GMDS: variants seen among roughly 807,000 people sequenced by gnomAD.
The protein encoded by GMDS is GDP-mannose 4,6 dehydratase.
A neutral mutation model predicts 49.9 loss-of-function variants in GMDS; 20 were observed. That is an observed-to-expected ratio of 0.40 (90% CI 0.28 to 0.58). The LOEUF is 0.58. Among genes scored for constraint, GMDS ranks in the 20% least tolerant of loss-of-function variants. The probability of loss-of-function intolerance (pLI) is 0.42; values close to 1 mark genes in which losing one functional copy is unlikely to be tolerated. For synonymous variants in GMDS, 177 were observed against 178.6 expected (o/e 0.99, Z 0.07); for missense variants, 362 against 481.4 (o/e 0.75, Z 2.32).
chr6:1,827,076 A>ATG (rs1174158101), intron 7 of GMDS, among the ~76,000 whole-genome samples: 59 of 111,208 alleles, frequency 5.3e-4, no homozygotes, highest in East Asian at 5.2e-3. Flanking sequence ...AAAAAAATAT[A>ATG]TATGTGTGTG....
At chr6:1,805,688 T>C (rs889705378) in intron 7 of GMDS, among the ~76,000 whole-genome samples, 6 of 152,344 alleles carry the variant, frequency 3.9e-5, no homozygotes, top group Non-Finnish European at 8.8e-5. Flanking sequence ...TATTTTTGTC[T>C]GGGAAAATAC....
chr6:1,986,914 A>G (rs1164361961), intron 4 of GMDS, among the ~76,000 whole-genome samples: 2 of 152,214 alleles, frequency 1.3e-5, no homozygotes, highest in Non-Finnish European at 2.9e-5. Context: ...TAAATAAGCT[A>G]AGAAGCAAGA....
chr6:1,658,006 C>G (rs1423825615), intron 9 of GMDS, among the ~76,000 whole-genome samples: 1 of 152,238 alleles, frequency 6.6e-6, no homozygotes, highest in African/African-American at 2.4e-5. Flanking sequence ...TCTGGAGTTT[C>G]TGGAGCATTC....
chr6:1,919,529 G>C (rs1052536013), intron 7 of GMDS, among the ~76,000 whole-genome samples: 2 of 152,172 alleles, frequency 1.3e-5, no homozygotes, highest in Non-Finnish European at 2.9e-5. Context: ...CCTAGTAGAA[G>C]TCCAATTGTT....
chr6:1,707,279 G>A (rs1581486504), intron 9 of GMDS, among the ~76,000 whole-genome samples: 1 of 152,168 alleles, frequency 6.6e-6, no homozygotes, highest in Non-Finnish European at 1.5e-5. Flanking sequence ...AAGTCATAAG[G>A]TTTTGAGGTC....
intron 3 of GMDS, 21 bp downstream of exon 3, chr6:2,117,448 T>G (rs1301797495): frequency 7.4e-7 from 1 of 1,350,422 alleles, no homozygotes; most frequent in Non-Finnish European, 1.1e-6. Context: ...AAAGAGATTC[T>G]AGAAAAAGAA....
intron 1 of GMDS, among the ~76,000 whole-genome samples, chr6:2,184,094 C>T (rs918095738): frequency 5.3e-5 from 8 of 152,118 alleles, no homozygotes; most frequent in African/African-American, 1.9e-4. Context: ...TCACAGTGGT[C>T]TGGAACCAAA....
Position 1,646,012 on chromosome 6 carries a change from G to A in GMDS, c.988-21472C>T, listed in dbSNP as rs999961435. Among the ~76,000 whole-genome samples, 14 of 152,172 alleles carry A rather than the reference G, an allele frequency of 9.2e-5. 1 individual carries two copies. Among genetic ancestry groups the A allele is most frequent in the African/African-American group, 1.9e-4 (8 of 41,438 alleles). On this transcript the variant is annotated intron_variant, in intron 9 of 10. Coordinates refer to ENST00000380815, the MANE Select transcript of GMDS (RefSeq NM_001500.4). ...GCCTGGCACGCAGAGGCACTCGATCGGTATTTGCAGAATGCCTCAAGGGAT... is the reference window on the plus strand; with the variant it reads ...GCCTGGCACGCAGAGGCACTCGATCAGTATTTGCAGAATGCCTCAAGGGAT...
chr6:2,012,895 T>C (rs1186601769), intron 4 of GMDS, among the ~76,000 whole-genome samples: 1 of 152,098 alleles, frequency 6.6e-6, no homozygotes, highest in East Asian at 1.9e-4. Flanking sequence ...AGTAACAGTT[T>C]TGAAATACAC....
At chr6:2,188,520 G>A (rs1351736261) in intron 1 of GMDS, among the ~76,000 whole-genome samples, 1 of 152,140 alleles carries the variant, frequency 6.6e-6, no homozygotes, top group African/African-American at 2.4e-5. Context: ...GTAGTTAAGA[G>A]GTTTTAATTC....
At chr6:2,052,950 ACTTC>A (rs748130895) in intron 4 of GMDS, among the ~76,000 whole-genome samples, 2 of 152,178 alleles carry the variant, frequency 1.3e-5, no homozygotes, top group African/African-American at 2.4e-5. Flanking sequence ...AAGCTTATAA[ACTTC>A]TCATCGTTAG....
At chr6:1,827,197 T>C (rs995535030) in intron 7 of GMDS, among the ~76,000 whole-genome samples, 2 of 151,680 alleles carry the variant, frequency 1.3e-5, no homozygotes, top group African/African-American at 4.8e-5. Flanking sequence ...TACATATATG[T>C]ATCCTGGATA....
chr6:1,668,398 A>G (rs935221291), intron 9 of GMDS, among the ~76,000 whole-genome samples: 1 of 152,250 alleles, frequency 6.6e-6, no homozygotes, highest in Admixed American at 6.5e-5. Flanking sequence ...AAAATTAGGT[A>G]GAAAATGTAA....
chr6:2,099,222 A>G (rs1192121994), intron 4 of GMDS, among the ~76,000 whole-genome samples: 1 of 152,142 alleles, frequency 6.6e-6, no homozygotes, highest in Non-Finnish European at 1.5e-5. Flanking sequence ...CTACTTCTCC[A>G]AACAGCTACT....
At chr6:1,724,255 A>G (rs879913004) in intron 9 of GMDS, among the ~76,000 whole-genome samples, 3 of 152,150 alleles carry the variant, frequency 2.0e-5, no homozygotes, top group Non-Finnish European at 2.9e-5. Context: ...ATCAGACACC[A>G]CTCTTATACT....
At position 1,854,273 on chromosome 6, in the gene GMDS, G is replaced by A. The variant is rs558493766; in HGVS notation, c.771+75830C>T. Among the ~76,000 whole-genome samples, 4 of 152,338 alleles carry A rather than the reference G, an allele frequency of 2.6e-5. No homozygotes were observed. In the East Asian group the frequency reaches 7.7e-4, roughly 29 times the overall value. On this transcript the variant is annotated intron_variant, in intron 7 of 10. Coordinates refer to ENST00000380815, the MANE Select transcript of GMDS (RefSeq NM_001500.4). ...GTCTGTGTGTATGGATGAGGCCACT[G>A]ACATTGAGTTTACCTTAATGGCATT...
intron 4 of GMDS, among the ~76,000 whole-genome samples, chr6:1,993,305 CT>C (rs1166807593): frequency 1.3e-5 from 2 of 152,196 alleles, no homozygotes; most frequent in African/African-American, 4.8e-5. Flanking sequence ...ATTCATCCTT[CT>C]TTTTAATCCC....
chr6:2,094,509 T>C (rs1773485575), intron 4 of GMDS, among the ~76,000 whole-genome samples: 1 of 152,238 alleles, frequency 6.6e-6, no homozygotes, highest in South Asian at 2.1e-4. Flanking sequence ...GAGAAGACGG[T>C]CGTGCCATGT....
chr6:2,202,098 A>G (rs905488496), intron 1 of GMDS, among the ~76,000 whole-genome samples: 51 of 139,876 alleles, frequency 3.6e-4, no homozygotes, highest in African/African-American at 1.2e-3. Context: ...CACCACATGC[A>G]CATCCGAGAT....
Sources: allele counts gnomAD v4.1 joint callset (sites outside exome capture counted in the v4.1 genomes callset), GRCh38; gene constraint gnomAD v4.1.1; transcripts MANE v1.5; gene names NCBI Gene and HGNC (gene_info 2026-07-23, HGNC 2026-07-21).